HEMK2: variants seen among roughly 807,000 people sequenced by gnomAD.
HEMK2 encodes the protein methyltransferase HEMK2.
the HEMK2 span, among the ~76,000 whole-genome samples, chr21:28,739,485 T>C: frequency 6.6e-6 from 1 of 152,206 alleles, no homozygotes; most frequent in Non-Finnish European, 1.5e-5. Context: ...TGAGAAAATG[T>C]TAATAAGATC....
chr21:28,624,065 T>C, the HEMK2 span, among the ~76,000 whole-genome samples: 2 of 152,190 alleles, frequency 1.3e-5, no homozygotes, highest in East Asian at 3.9e-4. Flanking sequence ...TAGAAGGCTG[T>C]AAAACTGAGA....
chr21:28,879,124 A>C, the HEMK2 span, among the ~76,000 whole-genome samples: 4 of 123,824 alleles, frequency 3.2e-5, no homozygotes, highest in Admixed American at 1.1e-4. Flanking sequence ...TTGCTCTGTC[A>C]CCTAGACTGG....
At chr21:28,858,758 T>A in the HEMK2 span, among the ~76,000 whole-genome samples, 1 of 152,132 alleles carries the variant, frequency 6.6e-6, no homozygotes, top group Admixed American at 6.5e-5. Context: ...TCTCAAGAAA[T>A]TTTTTAAAAG....
chr21:28,821,776 C>T, the HEMK2 span, among the ~76,000 whole-genome samples: 1 of 152,166 alleles, frequency 6.6e-6, no homozygotes, highest in Non-Finnish European at 1.5e-5. Flanking sequence ...ACTGGTGGCT[C>T]AATCTTCAAA....
chr21:28,661,874 A>G, the HEMK2 span, among the ~76,000 whole-genome samples: 3 of 152,194 alleles, frequency 2.0e-5, no homozygotes, highest in African/African-American at 7.2e-5. Context: ...TAAGTAACCA[A>G]AGTGAGTAGA....
At chr21:28,666,275 G>C in the HEMK2 span, among the ~76,000 whole-genome samples, 1 of 152,258 alleles carries the variant, frequency 6.6e-6, no homozygotes, top group Admixed American at 6.5e-5. Flanking sequence ...AGGAAAATGT[G>C]TGACTTTGGT....
At chr21:28,762,681 T>C in the HEMK2 span, among the ~76,000 whole-genome samples, 1 of 152,158 alleles carries the variant, frequency 6.6e-6, no homozygotes, top group Non-Finnish European at 1.5e-5. Context: ...GGTTTATTAT[T>C]GCAGGAGTGG....
the HEMK2 span, among the ~76,000 whole-genome samples, chr21:28,698,243 C>G: frequency 2.6e-5 from 4 of 152,184 alleles, no homozygotes; most frequent in Non-Finnish European, 5.9e-5. Context: ...GTGTTTGAAT[C>G]ACTATGCAAC....
the HEMK2 span, chr21:28,876,218 C>A: frequency 4.6e-6 from 2 of 437,608 alleles, no homozygotes; most frequent in Non-Finnish European, 8.1e-6. Flanking sequence ...TTTACTTGTA[C>A]TTGTGCAAAT....
chr21:28,776,393 T>A, the HEMK2 span, among the ~76,000 whole-genome samples: 2 of 152,200 alleles, frequency 1.3e-5, no homozygotes, highest in Admixed American at 1.3e-4. Context: ...ATTCAAAAAA[T>A]TCTTGCCCCA....
chr21:28,610,526 A>G, the HEMK2 span, among the ~76,000 whole-genome samples: 1 of 152,198 alleles, frequency 6.6e-6, no homozygotes, highest in East Asian at 1.9e-4. Flanking sequence ...AACAAATAAC[A>G]TGATAATTAG....
the HEMK2 span, among the ~76,000 whole-genome samples, chr21:28,653,573 C>T: frequency 6.6e-6 from 1 of 152,100 alleles, no homozygotes; most frequent in Non-Finnish European, 1.5e-5. Flanking sequence ...CCTCAAGCAC[C>T]CATATTAAAA....
chr21:28,706,472 T>A, the HEMK2 span, among the ~76,000 whole-genome samples: 2 of 152,174 alleles, frequency 1.3e-5, no homozygotes, highest in Non-Finnish European at 2.9e-5. Context: ...ATGAGGTGAC[T>A]CTTGCAGTAT....
At chr21:28,606,259 G>A in the HEMK2 span, among the ~76,000 whole-genome samples, 7 of 152,004 alleles carry the variant, frequency 4.6e-5, no homozygotes, top group South Asian at 4.2e-4. Context: ...AAACAAAAAC[G>A]CCAGGGAGCC....
the HEMK2 span, among the ~76,000 whole-genome samples, chr21:28,839,010 T>C: frequency 1.7e-3 from 125 of 72,288 alleles, 3 homozygotes; most frequent in African/African-American, 8.0e-3. Flanking sequence ...TACATATATA[T>C]ACACAATCTG....
the HEMK2 span, among the ~76,000 whole-genome samples, chr21:28,836,406 A>C: frequency 6.6e-6 from 1 of 152,222 alleles, no homozygotes; most frequent in Admixed American, 6.5e-5. Flanking sequence ...ATATGAAGGA[A>C]AGATAGTCTT....
chr21:28,883,481 G>C, the HEMK2 span, among the ~76,000 whole-genome samples: 2 of 152,172 alleles, frequency 1.3e-5, no homozygotes, highest in South Asian at 4.1e-4. Flanking sequence ...TTTGAAAAAA[G>C]TTCCTCTATC....
At chr21:28,765,564 G>C in the HEMK2 span, among the ~76,000 whole-genome samples, 1 of 152,034 alleles carries the variant, frequency 6.6e-6, no homozygotes, top group Non-Finnish European at 1.5e-5. Context: ...TAAACCATGT[G>C]GTTTGCAAAT....
the HEMK2 span, among the ~76,000 whole-genome samples, chr21:28,864,980 C>T: frequency 1.3e-5 from 2 of 150,072 alleles, no homozygotes; most frequent in East Asian, 2.0e-4. Context: ...TACCAAGCGT[C>T]GTCCCTTCCT....
Sources: gnomAD v4.1 joint callset for allele counts (sites outside exome capture counted in the v4.1 genomes callset) on GRCh38, gnomAD v4.1.1 for gene constraint, MANE v1.5 for transcripts, NCBI Gene and HGNC (gene_info 2026-07-23, HGNC 2026-07-21) for gene names.